Variants in PKP2 observed in about 807,000 individuals in gnomAD.
PKP2 encodes the protein plakophilin 2.
A neutral mutation model predicts 83.4 loss-of-function variants in PKP2; 73 were observed. The observed-to-expected ratio is 0.88, with a 90% CI of 0.72 to 1.06. PKP2 has a LOEUF of 1.06. Among genes scored for constraint, PKP2 ranks in the 50% least tolerant of loss-of-function variants. PKP2 has a pLI of 0.00. For synonymous variants in PKP2, 409 were observed against 430.4 expected (o/e 0.95, Z 0.62); for missense variants, 966 against 1,065.4 (o/e 0.91, Z 1.30).
At chr12:32,870,730 C>T (rs751422137) in intron 3 of PKP2, among the ~76,000 whole-genome samples, 2 of 152,084 alleles carry the variant, frequency 1.3e-5, no homozygotes, top group Non-Finnish European at 2.9e-5. Context: ...GTTGTTTTAA[C>T]TGATGAAAGA....
At chr12:32,821,741 AC>A (rs1179230631) in intron 8 of PKP2, 1 of 536,916 alleles carries the variant, frequency 1.9e-6, no homozygotes, top group Non-Finnish European at 3.3e-6. Context: ...AACACTCCAC[AC>A]CCCTAACTTG....
chr12:32,819,731 C>T (rs1449864353), intron 9 of PKP2, among the ~76,000 whole-genome samples: 3 of 151,968 alleles, frequency 2.0e-5, no homozygotes, highest in East Asian at 1.9e-4. Context: ...CATAAATATC[C>T]CTGTATCCTC....
intron 9 of PKP2, among the ~76,000 whole-genome samples, chr12:32,805,247 G>T (rs1056718678): frequency 1.3e-5 from 2 of 150,876 alleles, no homozygotes; most frequent in African/African-American, 2.4e-5. Context: ...CTCCCATTTT[G>T]TAGGTTGTCT....
At chr12:32,813,212 C>T (rs1246829471) in intron 9 of PKP2, among the ~76,000 whole-genome samples, 1 of 152,112 alleles carries the variant, frequency 6.6e-6, no homozygotes, top group Non-Finnish European at 1.5e-5. Context: ...ACAAAACCCC[C>T]AAACAACCAA....
At chr12:32,821,656 T>C in intron 8 of PKP2, 127 bp from the exon 9 acceptor site, 1 of 852,076 alleles carries the variant, frequency 1.2e-6, no homozygotes, top group East Asian at 2.6e-5. Flanking sequence ...GCCCTTGAAA[T>C]AGAAATTTTA....
chr12:32,850,262 T>A (rs1025308100), intron 5 of PKP2, among the ~76,000 whole-genome samples: 1 of 152,124 alleles, frequency 6.6e-6, no homozygotes, highest in Non-Finnish European at 1.5e-5. Context: ...AAAAAGGAAT[T>A]CAGGCTGGGC....
chr12:32,840,927 G>A, intron 6 of PKP2, 101 bp downstream of exon 6: 1 of 823,932 alleles, frequency 1.2e-6, no homozygotes, highest in Non-Finnish European at 2.1e-6. Flanking sequence ...AACAAACTGT[G>A]TAACTAGAAA....
intron 4 of PKP2, among the ~76,000 whole-genome samples, chr12:32,866,550 CAAAAAA>C (rs56079220): frequency 5.5e-5 from 2 of 36,204 alleles, no homozygotes; most frequent in South Asian, 1.9e-3. Flanking sequence ...GATCCTTTCT[CAAAAAA>C]AAAAAAAAAA....
intron 9 of PKP2, among the ~76,000 whole-genome samples, chr12:32,810,467 T>C (rs1322904112): frequency 6.6e-6 from 1 of 152,172 alleles, no homozygotes; most frequent in Non-Finnish European, 1.5e-5. Context: ...GCACACCTGT[T>C]TCAAGCAATG....
intron 5 of PKP2, among the ~76,000 whole-genome samples, chr12:32,847,543 C>T (rs1196037706): frequency 6.6e-6 from 1 of 152,152 alleles, no homozygotes; most frequent in Admixed American, 6.5e-5. Context: ...CACACACACA[C>T]GCACGCAAGC....
chr12:32,867,985 C>T (rs991891355), intron 4 of PKP2, among the ~76,000 whole-genome samples: 3 of 151,986 alleles, frequency 2.0e-5, no homozygotes, highest in African/African-American at 4.8e-5. Flanking sequence ...CATATATGCA[C>T]AAAGCAATTC....
In PKP2 at chr12:32,878,515, C is replaced by T. The variant is rs201306582; in HGVS notation, c.365G>A (p.Arg122His). The change falls in exon 3 of 13, where the codon CGC (arginine) becomes CAC (histidine). Residue 122 changes from arginine (R) to histidine (H), a missense_variant. Coordinates refer to ENST00000340811, the MANE Select transcript of PKP2 (RefSeq NM_001005242.3). ...GTACTGTGCTGTTCCTCTTCCCCAG[C>T]GACCTTCATAAGTGGCAGTTGTGCC... ...KAGTTATYEG[R>H]WGRGTAQYSS... 5 of 1,612,100 alleles carry T rather than the reference C, an allele frequency of 3.1e-6. No homozygotes were observed. The highest frequency in any genetic ancestry group is 2.7e-5 in the African/African-American group (2 of 74,992).
intron 10 of PKP2, 98 bp downstream of exon 10, chr12:32,802,305 C>T (rs1036711253): frequency 1.4e-5 from 18 of 1,246,268 alleles, no homozygotes; most frequent in Non-Finnish European, 2.0e-5. Flanking sequence ...CTCCCATTTC[C>T]AGTGCATCTT....
intron 4 of PKP2, among the ~76,000 whole-genome samples, chr12:32,868,544 A>G (rs1234607200): frequency 7.1e-6 from 1 of 140,330 alleles, no homozygotes; most frequent in Non-Finnish European, 1.5e-5. Context: ...TTTTTCTGAG[A>G]TGGAGTCTTG....
chr12:32,840,292 C>T (rs755279701), intron 6 of PKP2, among the ~76,000 whole-genome samples: 2 of 152,106 alleles, frequency 1.3e-5, no homozygotes, highest in African/African-American at 2.4e-5. Flanking sequence ...ACATTTCTTA[C>T]GGATATTCTT....
rs767815939 is a variant in PKP2, at chr12:32,877,829, G to T, written c.1034+17C>A. On this transcript the variant is annotated intron_variant, in intron 3 of 12. Transcript: ENST00000340811. ...GTGCTGGCAATGACTGAACTGCAGA[G>T]TCAGGAGGGGACTTACCCCAGCTGG... is the stretch of plus-strand genomic sequence containing the variant. The T allele has an allele frequency of 1.9e-6, 3 of 1,567,116 alleles. No individual in the cohort carries two copies. In the South Asian group the frequency reaches 3.3e-5, roughly 17 times the overall value.
At position 32,882,853 on chromosome 12, in the gene PKP2, G is replaced by T. The variant is rs182571188; in HGVS notation, c.224-3821C>A. Reference sequence around the variant, plus strand: ...AGGGTTGATTATTAAATCAACCTGGGTTCCTCCTTTCCCCTGGTCTCTGCT... The same window carrying T: ...AGGGTTGATTATTAAATCAACCTGGTTTCCTCCTTTCCCCTGGTCTCTGCT... On this transcript the variant is annotated intron_variant, in intron 1 of 12. Transcript: ENST00000340811. 5.7e-3 allele frequency among the ~76,000 whole-genome samples: 873 copies of T among 152,236 alleles called. 9 individuals are homozygous for T. Among genetic ancestry groups the T allele is most frequent in the African/African-American group, 0.02 (835 of 41,540 alleles).
chr12:32,896,282 A>AT (rs1323100396), intron 1 of PKP2, among the ~76,000 whole-genome samples: 1 of 152,214 alleles, frequency 6.6e-6, no homozygotes, highest in Non-Finnish European at 1.5e-5. Flanking sequence ...ACATTGATAG[A>AT]TATGTACAAT....
chr12:32,858,598 A>C (rs1380313292), intron 4 of PKP2, among the ~76,000 whole-genome samples: 1 of 152,188 alleles, frequency 6.6e-6, no homozygotes, highest in Non-Finnish European at 1.5e-5. Flanking sequence ...TCGAGATGAA[A>C]AATATTTAGT....
Sources: gnomAD v4.1 joint callset for allele counts (sites outside exome capture counted in the v4.1 genomes callset) on GRCh38, gnomAD v4.1.1 for gene constraint, MANE v1.5 for transcripts, NCBI Gene and HGNC (gene_info 2026-07-23, HGNC 2026-07-21) for gene names.